Variants in ENTREP2 observed in about 807,000 individuals in gnomAD.
The protein encoded by ENTREP2 is protein ENTREP2.
At chr15:29,657,405 A>G in the ENTREP2 span, among the ~76,000 whole-genome samples, 1 of 143,336 alleles carries the variant, frequency 7.0e-6, no homozygotes, top group South Asian at 2.3e-4. Context: ...GAGCAGTAGC[A>G]GCTATAAAGA....
At chr15:29,197,326 C>T in the ENTREP2 span, among the ~76,000 whole-genome samples, 3 of 152,178 alleles carry the variant, frequency 2.0e-5, no homozygotes, top group Non-Finnish European at 2.9e-5. Context: ...TGGTACACCA[C>T]CTGCATTTGC....
chr15:29,531,078 G>A, the ENTREP2 span, among the ~76,000 whole-genome samples: 13 of 152,320 alleles, frequency 8.5e-5, no homozygotes, highest in South Asian at 2.1e-4. Context: ...GGAGTCGTGG[G>A]CTCCCCTGTG....
At chr15:29,207,385 G>A in the ENTREP2 span, among the ~76,000 whole-genome samples, 2 of 129,876 alleles carry the variant, frequency 1.5e-5, no homozygotes, top group Non-Finnish European at 3.2e-5. Flanking sequence ...TGATAACAAA[G>A]TTTATTACGA....
the ENTREP2 span, among the ~76,000 whole-genome samples, chr15:29,519,557 C>T: frequency 6.6e-6 from 1 of 152,172 alleles, no homozygotes; most frequent in Non-Finnish European, 1.5e-5. Flanking sequence ...CATTTCTTTT[C>T]TCTGGCTTAC....
chr15:29,520,477 C>G, the ENTREP2 span, among the ~76,000 whole-genome samples: 1 of 152,026 alleles, frequency 6.6e-6, no homozygotes, highest in Non-Finnish European at 1.5e-5. Context: ...AGATTACTCA[C>G]TATCAATATT....
the ENTREP2 span, among the ~76,000 whole-genome samples, chr15:29,425,185 C>T: frequency 5.7e-5 from 8 of 140,352 alleles, no homozygotes; most frequent in Admixed American, 2.3e-4. Flanking sequence ...CCCACCACCA[C>T]GTCCAGGTTT....
At chr15:29,259,104 ATC>A in the ENTREP2 span, among the ~76,000 whole-genome samples, 51 of 152,316 alleles carry the variant, frequency 3.3e-4, no homozygotes, top group African/African-American at 1.2e-3. Flanking sequence ...ATTCAAGGAA[ATC>A]TCCATCAGGT....
At chr15:29,599,983 T>C in the ENTREP2 span, among the ~76,000 whole-genome samples, 2 of 152,266 alleles carry the variant, frequency 1.3e-5, no homozygotes, top group African/African-American at 4.8e-5. Flanking sequence ...TGTAAAGCCA[T>C]AAAATAAGTG....
At chr15:29,502,769 A>G in the ENTREP2 span, among the ~76,000 whole-genome samples, 1 of 152,060 alleles carries the variant, frequency 6.6e-6, no homozygotes, top group African/African-American at 2.4e-5. Flanking sequence ...CTCAACTAGG[A>G]AAAGGGCTAA....
the ENTREP2 span, among the ~76,000 whole-genome samples, chr15:29,672,986 C>A: frequency 1.3e-5 from 2 of 151,988 alleles, no homozygotes; most frequent in Non-Finnish European, 2.9e-5. Context: ...GCTAAACAAG[C>A]GGTGGATTAT....
the ENTREP2 span, chr15:29,151,954 G>A: frequency 3.8e-6 from 3 of 781,420 alleles, no homozygotes; most frequent in African/African-American, 1.7e-5. Flanking sequence ...TCCACTTCAT[G>A]GAGGTTTTGT....
At chr15:29,482,304 C>T in the ENTREP2 span, among the ~76,000 whole-genome samples, 2 of 152,094 alleles carry the variant, frequency 1.3e-5, no homozygotes, top group African/African-American at 4.8e-5. Context: ...GCCACCATAC[C>T]TGGCCAGTAC....
chr15:29,202,882 T>A, the ENTREP2 span, among the ~76,000 whole-genome samples: 1 of 152,218 alleles, frequency 6.6e-6, no homozygotes, highest in Non-Finnish European at 1.5e-5. Flanking sequence ...ATCCAGTCTA[T>A]CATTGATGGG....
the ENTREP2 span, among the ~76,000 whole-genome samples, chr15:29,230,847 T>A: frequency 3.3e-5 from 5 of 152,190 alleles, no homozygotes; most frequent in African/African-American, 1.2e-4. Flanking sequence ...GGATTTGGGT[T>A]CTTTTGAAAG....
the ENTREP2 span, among the ~76,000 whole-genome samples, chr15:29,470,452 T>G: frequency 6.6e-6 from 1 of 152,342 alleles, no homozygotes; most frequent in East Asian, 1.9e-4. Flanking sequence ...GCCTCCCTCC[T>G]TCCTGCCAAG....
chr15:29,605,274 G>C, the ENTREP2 span, among the ~76,000 whole-genome samples: 1 of 152,208 alleles, frequency 6.6e-6, no homozygotes, highest in Admixed American at 6.5e-5. Context: ...TCTTTTGAGA[G>C]ATAATCATAG....
At chr15:29,554,934 G>C in the ENTREP2 span, among the ~76,000 whole-genome samples, 4 of 152,144 alleles carry the variant, frequency 2.6e-5, no homozygotes, top group African/African-American at 9.7e-5. Flanking sequence ...ACAAAAATGA[G>C]ATACACAAAA....
At chr15:29,264,881 A>G in the ENTREP2 span, 3 of 152,214 alleles carry the variant, frequency 2.0e-5, no homozygotes, top group African/African-American at 7.2e-5. Context: ...TTTGAGCTAT[A>G]TGTATTTAAA....
chr15:29,238,359 G>A, the ENTREP2 span, among the ~76,000 whole-genome samples: 5,321 of 152,186 alleles, frequency 0.035, 340 homozygotes, highest in African/African-American at 0.12. Flanking sequence ...GGAGCTAGGC[G>A]CGGTAGCTCA....
Sources: allele counts gnomAD v4.1 joint callset (sites outside exome capture counted in the v4.1 genomes callset), GRCh38; gene constraint gnomAD v4.1.1; transcripts MANE v1.5; gene names NCBI Gene and HGNC (gene_info 2026-07-23, HGNC 2026-07-21).